The following KATNIP variants were observed in gnomAD, a reference collection of about 807,000 sequenced individuals.
KATNIP encodes katanin-interacting protein.
In KATNIP, 126 loss-of-function variants were observed where a neutral mutation model predicts 174.0. The ratio of observed to expected loss-of-function variants is 0.72; its 90% CI spans 0.63 to 0.84. The LOEUF (loss-of-function observed/expected upper bound fraction) is 0.84. KATNIP is among the 40% of genes least tolerant of loss of function. The probability of loss-of-function intolerance (pLI) is 0.00; values close to 1 mark genes in which losing one functional copy is unlikely to be tolerated. For synonymous variants in KATNIP, 810 were observed against 835.7 expected (o/e 0.97, Z 0.53); for missense variants, 1,958 against 2,109.7 (o/e 0.93, Z 1.41).
chr16:27,608,450 T>C (rs1027335963), intron 2 of KATNIP, among the ~76,000 whole-genome samples: 1 of 146,924 alleles, frequency 6.8e-6, no homozygotes, highest in African/African-American at 2.5e-5. Context: ...TCCTGCTATG[T>C]TGCCCAGGCT....
chr16:27,715,204 C>CA (rs1455181970), intron 13 of KATNIP, among the ~76,000 whole-genome samples: 1 of 152,160 alleles, frequency 6.6e-6, no homozygotes, highest in African/African-American at 2.4e-5. Flanking sequence ...CATAGTCATT[C>CA]AAAAAATGGC....
chr16:27,594,634 G>A (rs781652012), intron 2 of KATNIP, among the ~76,000 whole-genome samples: 8 of 151,950 alleles, frequency 5.3e-5, no homozygotes, highest in Non-Finnish European at 7.4e-5. Context: ...TTTTGTTTTT[G>A]TAGAGACAGG....
intron 6 of KATNIP, among the ~76,000 whole-genome samples, chr16:27,673,581 T>G (rs890374039): frequency 6.6e-6 from 1 of 152,186 alleles, no homozygotes; most frequent in African/African-American, 2.4e-5. Context: ...CATTCTTTGT[T>G]GTGGGGCTGT....
chr16:27,681,281 A>G (rs2078328156), intron 7 of KATNIP, 118 bp from the exon 8 acceptor site: 1 of 1,331,096 alleles, frequency 7.5e-7, no homozygotes, highest in East Asian at 2.3e-5. Context: ...AACTGCACAA[A>G]GTAGTTCCGT....
At position 27,637,703 on chromosome 16, in the gene KATNIP, G is replaced by A. The variant is rs2076676838; in HGVS notation, c.408+6541G>A. Among the ~76,000 whole-genome samples the A allele has an allele frequency of 6.6e-6, 1 of 152,192 alleles. No homozygotes were observed. The highest frequency in any genetic ancestry group is 2.1e-4 in the South Asian group (1 of 4,834). On this transcript the variant is annotated intron_variant, in intron 5 of 27. Coordinates refer to ENST00000261588, the MANE Select transcript of KATNIP (RefSeq NM_015202.5). The surrounding 1 kb of genome is among the most constrained non-coding windows in gnomAD (Gnocchi z 4.7). ...AGGACAGGGTGGCAGAAAGGGTGGG[G>A]ATGAGGGTGTCAGGGTTGCAAGTAG...
intron 14 of KATNIP, among the ~76,000 whole-genome samples, chr16:27,723,380 C>A (rs953924647): frequency 1.3e-5 from 2 of 151,904 alleles, no homozygotes; most frequent in African/African-American, 2.4e-5. Context: ...CCCTGTCCCC[C>A]CTCCACCCCC....
chr16:27,558,662 T>A (rs2089727455), intron 1 of KATNIP, among the ~76,000 whole-genome samples: 1 of 152,208 alleles, frequency 6.6e-6, no homozygotes, highest in Non-Finnish European at 1.5e-5. Flanking sequence ...CCCTTTCACA[T>A]ACATATAGTC....
chr16:27,759,359 G>A (rs2081864415), intron 18 of KATNIP, among the ~76,000 whole-genome samples: 1 of 152,192 alleles, frequency 6.6e-6, no homozygotes, highest in African/African-American at 2.4e-5. Context: ...TGGTTATTAG[G>A]GAAGGCCTCT....
chr16:27,646,229 C>G (rs1365431957), intron 5 of KATNIP, among the ~76,000 whole-genome samples: 1 of 152,212 alleles, frequency 6.6e-6, no homozygotes, highest in East Asian at 1.9e-4. Context: ...CATCAGGACT[C>G]TGCTTCATCC....
Position 27,637,990 on chromosome 16 carries a change from G to A in KATNIP, c.408+6828G>A, listed in dbSNP as rs1414448520. Among the ~76,000 whole-genome samples, 4 of 152,126 alleles carry A rather than the reference G, an allele frequency of 2.6e-5. No individual in the cohort carries two copies. The highest frequency in any genetic ancestry group is 3.9e-4 in the East Asian group (2 of 5,186). On this transcript the variant is annotated intron_variant, in intron 5 of 27. Transcript: ENST00000261588. The surrounding 1 kb of genome is among the most constrained non-coding windows in gnomAD (Gnocchi z 4.7). ...TTCTGTTCCCTGTCCCTGAGCTGCC[G>A]CCAACTCGTAGCTTCAGTGTTCCCC...
chr16:27,609,284 A>G (rs1276621661), intron 2 of KATNIP, among the ~76,000 whole-genome samples: 1 of 150,734 alleles, frequency 6.6e-6, no homozygotes, highest in Non-Finnish European at 1.5e-5. Context: ...AGGGAGGGAC[A>G]CAGGAGAGGG....
chr16:27,746,825 G>A (rs1289732256), intron 15 of KATNIP, among the ~76,000 whole-genome samples: 2 of 152,190 alleles, frequency 1.3e-5, no homozygotes, highest in Non-Finnish European at 2.9e-5. Context: ...GAGGGGACAG[G>A]AGTCAGTGGC....
intron 1 of KATNIP, among the ~76,000 whole-genome samples, chr16:27,567,420 C>T (rs1470797912): frequency 6.6e-6 from 1 of 152,156 alleles, no homozygotes; most frequent in Admixed American, 6.5e-5. Flanking sequence ...CTTGAGCCCA[C>T]GAGTTTGAGA....
intron 8 of KATNIP, among the ~76,000 whole-genome samples, chr16:27,695,287 C>T (rs578176151): frequency 4.6e-5 from 7 of 152,330 alleles, no homozygotes; most frequent in South Asian, 2.1e-4. Flanking sequence ...CCCCATTTCC[C>T]GCAGAGCATG....
intron 3 of KATNIP, among the ~76,000 whole-genome samples, chr16:27,621,265 A>G: frequency 6.6e-6 from 1 of 152,010 alleles, no homozygotes; most frequent in East Asian, 1.9e-4. Flanking sequence ...GCTGGGTGAT[A>G]GAGTGAGACA....
In KATNIP at chr16:27,708,858, G is replaced by C. The variant is rs750440124; in HGVS notation, c.1543G>C (p.Val515Leu). ...AAAGCTTTATGTGTCGCCCCACGAT[G>C]TGGATATCCGGAACACAGCCACGCC... Reference protein sequence around the residue: ...DTKLYVSPHDVDIRNTATPGE... With the variant: ...DTKLYVSPHDLDIRNTATPGE... The change falls in exon 13 of 28, where the codon GTG becomes CTG. Residue 515 changes from valine (V) to leucine (L), a missense_variant. Physicochemically the swap from Val to Leu is conservative, Grantham distance 32. Transcript: ENST00000261588. 8 of 1,614,036 alleles carry C rather than the reference G, an allele frequency of 5.0e-6. No homozygotes were observed. The highest frequency in any genetic ancestry group is 5.9e-6 in the Non-Finnish European group (7 of 1,180,028).
chr16:27,754,338 CT>C, intron 18 of KATNIP, 87 bp downstream of exon 18: 1 of 1,148,370 alleles, frequency 8.7e-7, no homozygotes, highest in Non-Finnish European at 1.3e-6. Flanking sequence ...CAGGGTTTCG[CT>C]GGACAATCGG....
chr16:27,572,362 A>C (rs1363090672), intron 1 of KATNIP, among the ~76,000 whole-genome samples: 1 of 138,148 alleles, frequency 7.2e-6, no homozygotes, highest in African/African-American at 2.7e-5. Context: ...CAAAAAAGAA[A>C]ACACACACAC....
intron 2 of KATNIP, among the ~76,000 whole-genome samples, chr16:27,583,487 A>G (rs919079930): frequency 6.6e-6 from 1 of 152,234 alleles, no homozygotes; most frequent in Admixed American, 6.5e-5. Flanking sequence ...GTATGTCTGC[A>G]GGATAAAAAC....
Sources: gnomAD v4.1 joint callset for allele counts (sites outside exome capture counted in the v4.1 genomes callset) on GRCh38, gnomAD v4.1.1 for gene constraint, Gnocchi (gnomAD v3.1) non-coding constraint, MANE v1.5 for transcripts, NCBI Gene and HGNC (gene_info 2026-07-23, HGNC 2026-07-21) for gene names.